The following C20orf203 variants were observed in gnomAD, a reference collection of about 807,000 sequenced individuals.
C20orf203 encodes the protein chromosome 20 open reading frame 203.
A neutral mutation model predicts 15.9 loss-of-function variants in C20orf203; 16 were observed. That is an observed-to-expected ratio of 1.01 (90% CI 0.68 to 1.53). The LOEUF (loss-of-function observed/expected upper bound fraction) is 1.53, where lower values mean the gene tolerates loss of function less well. Ranked by LOEUF, C20orf203 falls within the 40% of genes most tolerant of loss-of-function variation. The pLI is 0.00. For synonymous variants in C20orf203, 98 were observed against 97.2 expected (o/e 1.01, Z -0.05); for missense variants, 263 against 247.5 (o/e 1.06, Z -0.42).
At chr20:32,648,177 G>A (rs1982488869) in intron 4 of C20orf203, among the ~76,000 whole-genome samples, 1 of 152,128 alleles carries the variant, frequency 6.6e-6, no homozygotes. Context: ...CAGTGCAGTG[G>A]CCAGGGGTGT....
At chr20:32,638,327 G>A (rs1406572820) in intron 5 of C20orf203, among the ~76,000 whole-genome samples, 1 of 152,200 alleles carries the variant, frequency 6.6e-6, no homozygotes, top group African/African-American at 2.4e-5. Flanking sequence ...CCATTTTGCA[G>A]ATGAGGCTGG....
chr20:32,660,873 C>T (rs926607272), intron 1 of C20orf203, among the ~76,000 whole-genome samples: 2 of 122,490 alleles, frequency 1.6e-5, no homozygotes, highest in Non-Finnish European at 1.8e-5. Flanking sequence ...CCAAGCAAAG[C>T]GGGGAAAGCC....
intron 1 of C20orf203, among the ~76,000 whole-genome samples, chr20:32,663,263 C>T (rs568953983): frequency 2.0e-5 from 3 of 149,596 alleles, no homozygotes; most frequent in South Asian, 2.1e-4. Context: ...TATATTTTTA[C>T]GTGGAATTTT....
intron 3 of C20orf203, 62 bp from the exon 4 acceptor site, chr20:32,650,943 CTT>C: frequency 6.9e-7 from 1 of 1,444,812 alleles, no homozygotes; most frequent in Non-Finnish European, 9.1e-7. Flanking sequence ...TCGCAAGGGG[CTT>C]TAGGTCTTCC....
At chr20:32,665,170 C>G (rs1982988650) in intron 1 of C20orf203, among the ~76,000 whole-genome samples, 1 of 152,210 alleles carries the variant, frequency 6.6e-6, no homozygotes, top group Non-Finnish European at 1.5e-5. Flanking sequence ...CAAAGCCCCT[C>G]TCTGATGGCC....
chr20:32,636,984 G>C (rs1273483412), intron 5 of C20orf203, among the ~76,000 whole-genome samples: 2 of 152,200 alleles, frequency 1.3e-5, no homozygotes, highest in Admixed American at 1.3e-4. Context: ...CCGGGAGACA[G>C]CAGCCTGAGA....
rs1397905050 is a variant in C20orf203 at position 32,661,078 on chromosome 20, AC to A, written c.-263-9098del. On this transcript the variant is annotated intron_variant, in intron 1 of 5. Coordinates refer to ENST00000608990, the MANE Select transcript of C20orf203 (RefSeq NM_182584.4). ...ATATCAAGGAGGGAAAGAGGAAGGGACAATCAAGGTGTTCAGAGGGAGGAAA... is the reference window on the plus strand; with the variant it reads ...ATATCAAGGAGGGAAAGAGGAAGGGAAATCAAGGTGTTCAGAGGGAGGAAA... Among the ~76,000 whole-genome samples, 6 of 152,068 alleles carry A rather than the reference AC, an allele frequency of 3.9e-5. No homozygotes were observed. In the East Asian group the frequency reaches 1.2e-3, roughly 29 times the overall value.
intron 5 of C20orf203, among the ~76,000 whole-genome samples, chr20:32,638,333 G>C (rs1982193309): frequency 6.6e-6 from 1 of 152,188 alleles, no homozygotes; most frequent in African/African-American, 2.4e-5. Flanking sequence ...TGCAGATGAG[G>C]CTGGGGAGCC....
chr20:32,663,295 G>A (rs1215606797), intron 1 of C20orf203, among the ~76,000 whole-genome samples: 1 of 150,906 alleles, frequency 6.6e-6, no homozygotes, highest in African/African-American at 2.4e-5. Flanking sequence ...AATTCCCTTG[G>A]TGGAAATGAG....
In C20orf203 at chr20:32,634,071, A is replaced by ATT. The variant is rs1431206378; in HGVS notation, c.*1498_*1499insAA. On this transcript the variant is annotated 3_prime_UTR_variant, in exon 6 of 6. Coordinates refer to ENST00000608990, the MANE Select transcript of C20orf203 (RefSeq NM_182584.4). ...CTACCCCGGTGTTGGGAATTCCGAG[A>ATT]TGAATCCAGCCTGAGCTTTGTCCTT... 2.8e-5 allele frequency: 11 copies of ATT among 398,540 alleles called. No individual in the cohort carries two copies. The highest frequency in any genetic ancestry group is 4.9e-5 in the Non-Finnish European group (11 of 226,108). 24.7% of individuals were successfully genotyped at this position (398,540 alleles called of 1,614,324 possible).
At chr20:32,645,697 C>T (rs79996693) in intron 4 of C20orf203, among the ~76,000 whole-genome samples, 4,118 of 152,340 alleles carry the variant, frequency 0.027, 186 homozygotes, top group African/African-American at 0.094. Flanking sequence ...TCCACCATAC[C>T]ACCCATCTTC....
chr20:32,643,666 C>G lies in C20orf203; in HGVS notation c.*1178-2979G>C, dbSNP rs898155484. On this transcript the variant is annotated intron_variant, in intron 4 of 5. Transcript: ENST00000608990. ...ACACACACACACACACACACACACACACACACACGAAAGTTTCTGCGAAAC... is the reference window on the plus strand; with the variant it reads ...ACACACACACACACACACACACACAGACACACACGAAAGTTTCTGCGAAAC... Among the ~76,000 whole-genome samples, 4 of 127,896 alleles carry G rather than the reference C, an allele frequency of 3.1e-5. No individual in the cohort carries two copies. In the East Asian group the frequency reaches 8.1e-4, roughly 26 times the overall value. The allele number at this position is 127,896 out of a possible 152,430, so 83.9% of individuals were successfully genotyped here.
At chr20:32,641,875 T>C (rs1372624560) in intron 4 of C20orf203, among the ~76,000 whole-genome samples, 2 of 152,230 alleles carry the variant, frequency 1.3e-5, no homozygotes, top group Non-Finnish European at 2.9e-5. Flanking sequence ...TCTCACTCTG[T>C]TGCCCAGGCA....
At position 32,638,822 on chromosome 20, in the gene C20orf203, G is replaced by A. The variant is rs188312489; in HGVS notation, c.*1299+1744C>T. ...ACTGGCCCTGGAGAGAAGCAGAAAGGGGGGGCGGGCAGCATCCCCTGTCCC... is the reference window on the plus strand; with the variant it reads ...ACTGGCCCTGGAGAGAAGCAGAAAGAGGGGGCGGGCAGCATCCCCTGTCCC... On this transcript the variant is annotated intron_variant, in intron 5 of 5. Coordinates refer to ENST00000608990, the MANE Select transcript of C20orf203 (RefSeq NM_182584.4). Among the ~76,000 whole-genome samples, 3 of 152,052 alleles carry A rather than the reference G, an allele frequency of 2.0e-5. No individual in the cohort carries two copies. The East Asian group carries it at 5.8e-4, about 29-fold the overall frequency.
chr20:32,645,987 CCA>C (rs1407454343), intron 4 of C20orf203, among the ~76,000 whole-genome samples: 1 of 152,240 alleles, frequency 6.6e-6, no homozygotes, highest in South Asian at 2.1e-4. Flanking sequence ...TCTCTGTACC[CCA>C]GTTTCTCCAT....
chr20:32,641,789 C>T (rs945260753), intron 4 of C20orf203, among the ~76,000 whole-genome samples: 127 of 152,046 alleles, frequency 8.4e-4, no homozygotes, highest in African/African-American at 3.0e-3. Flanking sequence ...ATGTTTAGAT[C>T]GTATCGCCAT....
Position 32,671,918 on chromosome 20 carries a change from G to A in C20orf203, c.-264+1714C>T, listed in dbSNP as rs186128331. Among the ~76,000 whole-genome samples the A allele has an allele frequency of 3.3e-5, 5 of 151,506 alleles. No individual in the cohort carries two copies. In the South Asian group the frequency reaches 8.4e-4, roughly 25 times the overall value. ...GCTGAGGGGGAGTGGGGAACAGAGA[G>A]TTGCTGTTCAATGGGTATAGAGTTT... On this transcript the variant is annotated intron_variant, in intron 1 of 5. Coordinates refer to ENST00000608990, the MANE Select transcript of C20orf203 (RefSeq NM_182584.4).
chr20:32,646,599 C>A (rs1171555021), intron 4 of C20orf203, among the ~76,000 whole-genome samples: 1 of 152,168 alleles, frequency 6.6e-6, no homozygotes, highest in Non-Finnish European at 1.5e-5. Context: ...CAAGATGGGG[C>A]TGTCTAGGCT....
chr20:32,650,267 C>T lies in C20orf203; in HGVS notation c.*165G>A, dbSNP rs1238906047. 5 of 612,638 alleles carry T rather than the reference C, an allele frequency of 8.2e-6. No homozygotes were observed. Among genetic ancestry groups the T allele is most frequent in the East Asian group, 2.8e-5 (1 of 36,238 alleles). The allele number at this position is 612,638 out of a possible 1,614,324, so 38.0% of individuals were successfully genotyped here. A position where few individuals can be genotyped will look rare whatever the true frequency, so the allele number is the denominator to read the frequency against. ...TGCTGAATGCCTTGAATACAAGCGC[C>T]GGTGCCCAGAATCTCCTTGAGGTTT... On this transcript the variant is annotated 3_prime_UTR_variant, in exon 4 of 6. Coordinates refer to ENST00000608990, the MANE Select transcript of C20orf203 (RefSeq NM_182584.4).
Sources: gnomAD v4.1 joint callset for allele counts (sites outside exome capture counted in the v4.1 genomes callset) on GRCh38, gnomAD v4.1.1 for gene constraint, MANE v1.5 for transcripts, NCBI Gene and HGNC (gene_info 2026-07-23, HGNC 2026-07-21) for gene names.